Variants in CHAT observed in about 807,000 individuals in gnomAD.
The protein encoded by CHAT is choline O-acetyltransferase.
Under a neutral mutation model 76.9 loss-of-function variants are expected in CHAT, and 61 were observed. That is an observed-to-expected ratio of 0.79 (90% CI 0.65 to 0.98). The LOEUF (loss-of-function observed/expected upper bound fraction) is 0.98, where lower values mean the gene tolerates loss of function less well. CHAT is among the 50% of genes least tolerant of loss of function. CHAT has a pLI of 0.00. For synonymous variants in CHAT, 407 were observed against 397.4 expected, an observed-to-expected ratio of 1.02 and a Z score of -0.29; for missense variants, 946 against 986.9, an observed-to-expected ratio of 0.96 and a Z score of 0.56.
intron 2 of CHAT, among the ~76,000 whole-genome samples, chr10:49,618,325 C>T (rs1838574176): frequency 6.6e-6 from 1 of 152,194 alleles, no homozygotes. Flanking sequence ...TAGATCTATC[C>T]TTTATGGCTT....
At chr10:49,655,302 A>T in intron 12 of CHAT, 66 bp downstream of exon 12, 1 of 1,613,460 alleles carries the variant, frequency 6.2e-7, no homozygotes, top group South Asian at 1.1e-5. Context: ...CCTGGGTTGC[A>T]GTGGGCTCGG....
intron 7 of CHAT, among the ~76,000 whole-genome samples, chr10:49,645,007 G>T (rs1839611512): frequency 1.3e-5 from 2 of 152,210 alleles, no homozygotes; most frequent in African/African-American, 4.8e-5. Context: ...AGGACAAAGA[G>T]CACATGCTAG....
rs1225690574 is a variant in CHAT, at chr10:49,651,035, G to A, written c.1512-849G>A. On this transcript the variant is annotated intron_variant, in intron 10 of 14. Transcript: ENST00000337653. ...CCCTCCAGAGGCTGAGGAGAGCCAG[G>A]AAAGGCCCATGGATGGGGAAGAAGG... Among the ~76,000 whole-genome samples the A allele has an allele frequency of 2.6e-5, 4 of 152,162 alleles. No individual in the cohort carries two copies. In the South Asian group the frequency reaches 6.2e-4, roughly 24 times the overall value.
intron 14 of CHAT, 38 bp downstream of exon 14, chr10:49,662,820 GTCAGTAAGCTTTC>G: frequency 6.2e-7 from 1 of 1,613,958 alleles, no homozygotes; most frequent in Non-Finnish European, 8.5e-7. Context: ...GAGTAGTGTA[GTCAGTAAGCTTTC>G]TAAAGAGCAG....
chr10:49,647,504 A>C (rs945258046), intron 8 of CHAT, among the ~76,000 whole-genome samples: 39 of 152,224 alleles, frequency 2.6e-4, no homozygotes, highest in Admixed American at 2.2e-3. Context: ...GCATATCTAG[A>C]CAACACCTCG....
intron 7 of CHAT, among the ~76,000 whole-genome samples, chr10:49,630,181 A>G (rs2132744205): frequency 6.6e-6 from 1 of 152,240 alleles, no homozygotes; most frequent in African/African-American, 2.4e-5. Context: ...AATTTGAGGG[A>G]CATCAGCGCA....
intron 3 of CHAT, 72 bp from the exon 4 acceptor site, chr10:49,620,423 G>A (rs1456285410): frequency 2.1e-5 from 22 of 1,028,276 alleles, no homozygotes; most frequent in Middle Eastern, 2.0e-4. Flanking sequence ...GAAGTGTCCC[G>A]ATTTTCTCTC....
At position 49,655,092 on chromosome 10, in the gene CHAT, C is replaced by G. The variant is rs761868634; in HGVS notation, c.1635-3C>G. The stretch of plus-strand genomic sequence containing the variant: ...TGTGCCATTCATCCTTCATCCCACG[C>G]AGGCTCCATCGAAGACTGGTGCCCA... On this transcript the variant is annotated splice_region_variant and splice_polypyrimidine_tract_variant and intron_variant, in intron 11 of 14. Coordinates refer to ENST00000337653, the MANE Select transcript of CHAT (RefSeq NM_020549.5). The G allele has an allele frequency of 5.3e-5, 86 of 1,614,032 alleles. No individual in the cohort carries two copies. Among genetic ancestry groups the G allele is most frequent in the Non-Finnish European group, 7.3e-5 (86 of 1,179,994 alleles).
At chr10:49,644,573 G>C (rs114311950) in intron 7 of CHAT, among the ~76,000 whole-genome samples, 6,172 of 152,208 alleles carry the variant, frequency 0.041, 398 homozygotes, top group African/African-American at 0.13. Context: ...TCATAGGGAC[G>C]AGGAGGGGTT....
chr10:49,661,555 AC>A (rs1020388406), intron 13 of CHAT: 7 of 152,266 alleles, frequency 4.6e-5, no homozygotes, highest in African/African-American at 1.4e-4. Flanking sequence ...AAATCCCTAA[AC>A]GTGCCTTGTA....
At chr10:49,628,487 C>A (rs1331555328) in intron 7 of CHAT, among the ~76,000 whole-genome samples, 2 of 152,158 alleles carry the variant, frequency 1.3e-5, no homozygotes, top group African/African-American at 4.8e-5. Flanking sequence ...TTCAGACTCT[C>A]CACATCTGTT....
chr10:49,646,462 T>C, intron 7 of CHAT, 43 bp from the exon 8 acceptor site: 1 of 1,612,362 alleles, frequency 6.2e-7, no homozygotes, highest in Non-Finnish European at 8.5e-7. Flanking sequence ...AAGACTGGCC[T>C]GGAGCGGGAC....
At chr10:49,637,155 T>G (rs1839322555) in intron 7 of CHAT, among the ~76,000 whole-genome samples, 1 of 152,178 alleles carries the variant, frequency 6.6e-6, no homozygotes, top group Non-Finnish European at 1.5e-5. Context: ...TCTTTATTAT[T>G]TCCTTCATCT....
chr10:49,620,360 A>T, intron 3 of CHAT, 135 bp from the exon 4 acceptor site: 1 of 757,816 alleles, frequency 1.3e-6, no homozygotes, highest in South Asian at 1.4e-5. Context: ...AGCTCCTGGC[A>T]CATACCTGGG....
intron 1 of CHAT, 55 bp from the exon 2 acceptor site, chr10:49,616,447 T>G (rs2132701702): frequency 2.0e-5 from 27 of 1,381,586 alleles, no homozygotes; most frequent in Non-Finnish European, 2.6e-5. Flanking sequence ...GGTGGAGGGT[T>G]TGTGACAGGC....
chr10:49,664,676 T>C (rs1392108163), intron 14 of CHAT, 101 bp from the exon 15 acceptor site: 27 of 1,412,796 alleles, frequency 1.9e-5, no homozygotes, highest in Non-Finnish European at 2.7e-5. Context: ...ATTTGGTTAA[T>C]TCAGTCAAAC....
At chr10:49,655,047 T>A (rs1039389544) in intron 11 of CHAT, 48 bp from the exon 12 acceptor site, 24 of 1,609,316 alleles carry the variant, frequency 1.5e-5, no homozygotes, top group Non-Finnish European at 2.0e-5. Context: ...AGTTTATGAT[T>A]TCCCAAGAAT....
At chr10:49,662,816 T>C (rs1840238274) in intron 14 of CHAT, 34 bp downstream of exon 14, 1 of 1,613,948 alleles carries the variant, frequency 6.2e-7, no homozygotes, top group African/African-American at 1.3e-5. Flanking sequence ...CCAAGAGTAG[T>C]GTAGTCAGTA....
rs1249095805 is a variant in CHAT at position 49,619,828 on chromosome 10, C to A, written c.491C>A (p.Ala164Asp). Residue 164 changes from alanine to aspartate, a missense_variant, in exon 3 of 15, where the codon GCC becomes GAC. By Grantham distance (126) the Ala-to-Asp change is moderately radical. Around this residue, in one of 3 missense-constraint regions of CHAT, gnomAD observed 548 missense variants for 516.2 expected, o/e 1.06. Transcript: ENST00000337653. ...GAGGAGCAGTTCAGGAAGAGCCAGGCCATTGTGCAGCAGTTTGGGGCCCCT... is the reference window on the plus strand; with the variant it reads ...GAGGAGCAGTTCAGGAAGAGCCAGGACATTGTGCAGCAGTTTGGGGCCCCT... ...VSEEQFRKSQ[A>D]IVQQFGAPGG... The A allele has an allele frequency of 6.2e-7, 1 of 1,613,820 alleles. No individual in the cohort carries two copies. The highest frequency in any genetic ancestry group is 8.5e-7 in the Non-Finnish European group (1 of 1,179,974).
Sources: allele counts gnomAD v4.1 joint callset (sites outside exome capture counted in the v4.1 genomes callset), GRCh38; gene constraint gnomAD v4.1.1; regional missense constraint gnomAD v4.1.1; transcripts MANE v1.5; gene names NCBI Gene and HGNC (gene_info 2026-07-23, HGNC 2026-07-21).